Variants in PTPRN2 observed in about 807,000 individuals in gnomAD.
PTPRN2 encodes the protein protein tyrosine phosphatase receptor type N2.
Under a neutral mutation model 118.8 loss-of-function variants are expected in PTPRN2, and 74 were observed. That is an observed-to-expected ratio of 0.62 (90% CI 0.52 to 0.76). The LOEUF (loss-of-function observed/expected upper bound fraction) is 0.76, where lower values mean the gene tolerates loss of function less well. PTPRN2 is among the 30% of genes least tolerant of loss of function. The pLI is 0.00. For synonymous variants in PTPRN2, 641 were observed against 608.0 expected (o/e 1.05, Z -0.80); for missense variants, 1,481 against 1,394.4 (o/e 1.06, Z -0.99).
At chr7:158,175,178 C>T (rs1481686306) in intron 5 of PTPRN2, among the ~76,000 whole-genome samples, 1 of 152,190 alleles carries the variant, frequency 6.6e-6, no homozygotes, top group Non-Finnish European at 1.5e-5. Context: ...ACATAACACA[C>T]GTTTTCTCCC....
intron 1 of PTPRN2, among the ~76,000 whole-genome samples, chr7:158,530,800 C>CT (rs1422452229): frequency 2.6e-5 from 4 of 152,194 alleles, no homozygotes; most frequent in Non-Finnish European, 5.9e-5. Flanking sequence ...GAACCCACTC[C>CT]TTCCTGCTCC....
intron 2 of PTPRN2, among the ~76,000 whole-genome samples, chr7:158,385,616 C>T (rs1391489470): frequency 6.6e-6 from 1 of 152,182 alleles, no homozygotes; most frequent in Non-Finnish European, 1.5e-5. Flanking sequence ...GAGGTCCATA[C>T]AATTTTTCCC....
chr7:157,739,495 G>A (rs1800498935), intron 12 of PTPRN2: 1 of 152,250 alleles, frequency 6.6e-6, no homozygotes, highest in Non-Finnish European at 1.5e-5. Context: ...AAATGTTAAA[G>A]TGCCAGCAAG....
Position 157,744,336 on chromosome 7 carries a change from A to G in PTPRN2, c.1789-61399T>C, listed in dbSNP as rs528524338. Among the ~76,000 whole-genome samples the G allele has an allele frequency of 5.3e-5, 8 of 152,186 alleles. No individual in the cohort carries two copies. In the East Asian group the frequency reaches 1.6e-3, roughly 30 times the overall value. ...AGGAGCCTGAAACTCAAACAAGTGG[A>G]AGAGGCTGGAACGTCACCTAAGGTG... On this transcript the variant is annotated intron_variant, in intron 12 of 22. Transcript: ENST00000389418.
At chr7:158,354,901 AAAGAG>A (rs1463858916) in intron 2 of PTPRN2, among the ~76,000 whole-genome samples, 1 of 152,240 alleles carries the variant, frequency 6.6e-6, no homozygotes, top group East Asian at 1.9e-4. Context: ...GCTCAAGGGC[AAAGAG>A]AAGACCCCAA....
At position 158,470,118 on chromosome 7, in the gene PTPRN2, A is replaced by G. The variant is rs577554797; in HGVS notation, c.163+19617T>C. Among the ~76,000 whole-genome samples the G allele has an allele frequency of 5.3e-5, 8 of 152,376 alleles. No individual in the cohort carries two copies. In the South Asian group the frequency reaches 1.4e-3, roughly 28 times the overall value. On this transcript the variant is annotated intron_variant, in intron 2 of 22. Coordinates refer to ENST00000389418, the MANE Select transcript of PTPRN2 (RefSeq NM_002847.5). ...ATCATAACAGGGCCTGACATGGTGG[A>G]AAATCGTCAAGTAGAAATAAAAGAA...
At position 158,565,687 on chromosome 7, in the gene PTPRN2, A is replaced by G. The variant is rs1440418330; in HGVS notation, c.112+21871T>C. 6.6e-6 allele frequency among the ~76,000 whole-genome samples: 1 copy of G among 152,158 alleles called. No homozygotes were observed. The highest frequency in any genetic ancestry group is 2.4e-5 in the African/African-American group (1 of 41,442). On this transcript the variant is annotated intron_variant, in intron 1 of 22. Transcript: ENST00000389418. This position sits in a 1 kb window ranked among gnomAD's most constrained non-coding sequence, Gnocchi z 4.6. ...CGCCCTCTGTTACTTCATGACTCCA[A>G]CTTACTTTCTACACACAAGACATAG...
chr7:157,970,045 T>C (rs982346186), intron 11 of PTPRN2, among the ~76,000 whole-genome samples: 4 of 151,630 alleles, frequency 2.6e-5, no homozygotes, highest in African/African-American at 9.7e-5. Flanking sequence ...CTGGGGAAAT[T>C]GGTGGCCCTG....
At chr7:158,023,964 A>G (rs1158587141) in intron 11 of PTPRN2, among the ~76,000 whole-genome samples, 1 of 152,110 alleles carries the variant, frequency 6.6e-6, no homozygotes, top group African/African-American at 2.4e-5. Flanking sequence ...GCACACACAC[A>G]GGGCCTGGCA....
At chr7:158,387,464 G>A (rs915095020) in intron 2 of PTPRN2, among the ~76,000 whole-genome samples, 5 of 718 alleles carry the variant, frequency 7.0e-3, no homozygotes, top group Admixed American at 0.042. Flanking sequence ...TTTGTAAGAC[G>A]GTAGCCAAGG....
rs745321620 is a variant in PTPRN2 at position 158,167,074 on chromosome 7, G to A, written c.767C>T (p.Ala256Val). Residue 256 changes from alanine to valine, a missense_variant, in exon 6 of 23, where the codon GCT becomes GTT. Around this residue, in one of 3 missense-constraint regions of PTPRN2, gnomAD observed 1,115 missense variants for 994.2 expected, o/e 1.12. Coordinates refer to ENST00000389418, the MANE Select transcript of PTPRN2 (RefSeq NM_002847.5). Reference protein sequence around the residue: ...LSAYAAQRPPAPPGEGSLEPQ... With the variant: ...LSAYAAQRPPVPPGEGSLEPQ... ...CTCCAGGCTGCCCTCCCCGGGGGGA[G>A]CTGGGGGCCTCTGGGCAGCATAGGC... 1.9e-5 allele frequency: 30 copies of A among 1,600,720 alleles called. No individual in the cohort carries two copies. The highest frequency in any genetic ancestry group is 2.6e-5 in the Non-Finnish European group (30 of 1,172,548).
At chr7:158,082,220 C>T (rs1002862595) in intron 10 of PTPRN2, among the ~76,000 whole-genome samples, 1 of 152,180 alleles carries the variant, frequency 6.6e-6, no homozygotes, top group Admixed American at 6.5e-5. Flanking sequence ...GAGGTGCCTG[C>T]ACTGACATCT....
chr7:157,739,858 C>T (rs556911260), intron 12 of PTPRN2, among the ~76,000 whole-genome samples: 8 of 152,328 alleles, frequency 5.3e-5, no homozygotes, highest in Non-Finnish European at 7.3e-5. Flanking sequence ...GCTCCTGGGC[C>T]GCTCATTCCA....
chr7:157,584,572 A>G (rs966914389), intron 17 of PTPRN2, among the ~76,000 whole-genome samples: 2 of 152,380 alleles, frequency 1.3e-5, no homozygotes, highest in South Asian at 4.1e-4. Flanking sequence ...GTTGCCATGA[A>G]GATGCATTTC....
chr7:158,219,052 A>G (rs1213357542), intron 3 of PTPRN2, among the ~76,000 whole-genome samples: 1 of 152,152 alleles, frequency 6.6e-6, no homozygotes, highest in Non-Finnish European at 1.5e-5. Flanking sequence ...TCTGGACTCA[A>G]ACTCAACCCT....
chr7:157,749,976 C>T (rs1585376211), intron 12 of PTPRN2, among the ~76,000 whole-genome samples: 1 of 143,828 alleles, frequency 7.0e-6, no homozygotes, highest in Middle Eastern at 4.1e-3. Context: ...GTGGGCTGTT[C>T]ACGTGATTCT....
At chr7:157,666,553 A>C (rs1035474383) in intron 13 of PTPRN2, among the ~76,000 whole-genome samples, 4 of 151,886 alleles carry the variant, frequency 2.6e-5, no homozygotes, top group Non-Finnish European at 5.9e-5. Context: ...TTGGCAAAAA[A>C]AGCAAGCCAA....
intron 10 of PTPRN2, among the ~76,000 whole-genome samples, chr7:158,107,429 C>A (rs889713250): frequency 1.1e-4 from 16 of 152,130 alleles, no homozygotes; most frequent in Non-Finnish European, 2.9e-5. Context: ...TATTTCCTAC[C>A]AGGTGGGAAA....
At chr7:157,768,702 C>T (rs980687009) in intron 12 of PTPRN2, among the ~76,000 whole-genome samples, 1 of 152,216 alleles carries the variant, frequency 6.6e-6, no homozygotes, top group Non-Finnish European at 1.5e-5. Context: ...TTGGAAATCA[C>T]ACTGATTTCC....
Sources: allele counts gnomAD v4.1 joint callset (sites outside exome capture counted in the v4.1 genomes callset), GRCh38; gene constraint gnomAD v4.1.1; regional missense constraint gnomAD v4.1.1; non-coding constraint Gnocchi (gnomAD v3.1); transcripts MANE v1.5; gene names NCBI Gene and HGNC (gene_info 2026-07-23, HGNC 2026-07-21).